The following GAL3ST2 variants were observed in gnomAD, a reference collection of about 807,000 sequenced individuals.
GAL3ST2 encodes beta-galactose-3-O-sulfotransferase 2.
Under a neutral mutation model 12.9 loss-of-function variants are expected in GAL3ST2, and 16 were observed. The observed-to-expected ratio is 1.24, with a 90% CI of 0.84 to 1.88. GAL3ST2 has a LOEUF of 1.88. Among genes scored for constraint, GAL3ST2 ranks in the 40% most tolerant of loss-of-function variants. The pLI is 0.00. For missense variants in GAL3ST2, 639 were observed against 571.8 expected, an observed-to-expected ratio of 1.12 and a Z score of -1.20; for synonymous variants, 302 against 273.9, an observed-to-expected ratio of 1.10 and a Z score of -1.01.
At chr2:241,788,801 A>G (rs975211749) in intron 1 of GAL3ST2, among the ~76,000 whole-genome samples, 1 of 152,182 alleles carries the variant, frequency 6.6e-6, no homozygotes, top group African/African-American at 2.4e-5. Flanking sequence ...AGACCTCTGG[A>G]GAGAGAAACT....
In GAL3ST2 at chr2:241,793,450, GTGTA is replaced by G. The variant is rs1379825985; in HGVS notation, c.30-5612_30-5609del. On this transcript the variant is annotated intron_variant, in intron 1 of 3. Transcript: ENST00000192314. The surrounding 1 kb of genome is among the most constrained non-coding windows in gnomAD (Gnocchi z 4.7). ...TATTGTGTACGTGTATGTATGTACT[GTGTA>G]TGCGTGTGTATGTGTATGCATGTGT... 1.3e-5 allele frequency among the ~76,000 whole-genome samples: 2 copies of G among 149,016 alleles called. No homozygotes were observed. The highest frequency in any genetic ancestry group is 5.1e-5 in the African/African-American group (2 of 38,966).
At chr2:241,782,857 G>A (rs778938168) in intron 1 of GAL3ST2, among the ~76,000 whole-genome samples, 4 of 152,118 alleles carry the variant, frequency 2.6e-5, no homozygotes, top group African/African-American at 9.7e-5. Context: ...AATGTTTAAG[G>A]CTGGGTATGG....
chr2:241,798,905 C>T (rs1030029376), intron 1 of GAL3ST2, among the ~76,000 whole-genome samples, 160 bp from the exon 2 acceptor site: 1 of 152,116 alleles, frequency 6.6e-6, no homozygotes, highest in East Asian at 1.9e-4. Context: ...ACTCCCTAGC[C>T]CATGGGCCGG....
At chr2:241,787,172 T>C (rs1699636503) in intron 1 of GAL3ST2, among the ~76,000 whole-genome samples, 1 of 152,206 alleles carries the variant, frequency 6.6e-6, no homozygotes, top group Non-Finnish European at 1.5e-5. Context: ...TTGCATATGT[T>C]GATTGATGTC....
intron 1 of GAL3ST2, among the ~76,000 whole-genome samples, chr2:241,790,651 T>C (rs1699684166): frequency 6.6e-6 from 1 of 152,204 alleles, no homozygotes; most frequent in Non-Finnish European, 1.5e-5. Flanking sequence ...AATAACAATG[T>C]TTTACCCCAA....
At position 241,802,951 on chromosome 2, in the gene GAL3ST2, C is replaced by G. The variant is rs1034710372; in HGVS notation, c.376-394C>G. ...GCAGCTGGTGGAGTGCTGAAGCCCC[C>G]TGTGCCAGGGGCCCGTGGAGGGCCC... On this transcript the variant is annotated intron_variant, in intron 3 of 3. Transcript: ENST00000192314. The surrounding 1 kb of genome is among the most constrained non-coding windows in gnomAD (Gnocchi z 4.8). Among the ~76,000 whole-genome samples, 1 of 151,798 alleles carries G rather than the reference C, an allele frequency of 6.6e-6. No homozygotes were observed. The highest frequency in any genetic ancestry group is 1.5e-5 in the Non-Finnish European group (1 of 67,900).
In GAL3ST2 at chr2:241,803,612, G is replaced by A; in HGVS notation, c.643G>A (p.Ala215Thr). The change falls in exon 4 of 4, where the codon GCC (alanine) becomes ACC (threonine). Residue 215 changes from alanine to threonine, a missense_variant. Transcript: ENST00000192314. Reference sequence around the variant, plus strand: ...GGAGGGCTACGTGCGCGCGCGCATCGCCGAGGTGGAGCGGCGCTTCCGGCT... The same window carrying A: ...GGAGGGCTACGTGCGCGCGCGCATCACCGAGGTGGAGCGGCGCTTCCGGCT... Reference protein sequence around the residue: ...CEEGYVRARIAEVERRFRLVL... With the variant: ...CEEGYVRARITEVERRFRLVL... 2 of 1,563,094 alleles carry A rather than the reference G, an allele frequency of 1.3e-6. No individual in the cohort carries two copies. The highest frequency in any genetic ancestry group is 2.4e-5 in the East Asian group (1 of 41,994).
chr2:241,777,061 GT>G, intron 1 of GAL3ST2, 77 bp downstream of exon 1: 1 of 1,255,860 alleles, frequency 8.0e-7, no homozygotes, highest in South Asian at 2.1e-5. Flanking sequence ...ACAGGAGTGG[GT>G]TTTGTTTGTC....
rs1324337637 is a variant in GAL3ST2 at position 241,803,904 on chromosome 2, C to T, written c.935C>T (p.Ala312Val). 1 of 1,414,934 alleles carries T rather than the reference C, an allele frequency of 7.1e-7. No homozygotes were observed. The allele number at this position is 1,414,934 out of a possible 1,614,324, so 87.6% of individuals were successfully genotyped here. A position where few individuals can be genotyped will look rare whatever the true frequency, so the allele number is the denominator to read the frequency against. ...RLRGEVERLR[A>V]RRRELASLCL... ...CGCGGGGAGGTGGAGCGGCTGCGCG[C>T]CCGGAGGCGCGAACTCGCGAGCCTG... is the stretch of plus-strand genomic sequence containing the variant. Residue 312 changes from alanine to valine, a missense_variant, in exon 4 of 4, where the codon GCC becomes GTC. Physicochemically the swap from Ala to Val is moderately conservative, Grantham distance 64 (BLOSUM62 0). Coordinates refer to ENST00000192314, the MANE Select transcript of GAL3ST2 (RefSeq NM_022134.3).
intron 1 of GAL3ST2, 107 bp downstream of exon 1, chr2:241,777,091 G>A (rs1365509903): frequency 3.0e-6 from 3 of 1,001,616 alleles, no homozygotes; most frequent in African/African-American, 1.7e-5. Flanking sequence ...GAAGTGACTT[G>A]GATTTGGAGG....
chr2:241,779,648 G>A (rs577528162), intron 1 of GAL3ST2, among the ~76,000 whole-genome samples: 3 of 152,000 alleles, frequency 2.0e-5, no homozygotes, highest in African/African-American at 7.2e-5. Context: ...AATCGATACA[G>A]GCCACACTAC....
intron 1 of GAL3ST2, among the ~76,000 whole-genome samples, chr2:241,786,942 C>G (rs112263307): frequency 6.6e-6 from 1 of 152,178 alleles, no homozygotes; most frequent in African/African-American, 2.4e-5. Context: ...ACCTGCCTCC[C>G]GTTCTCTTCA....
At position 241,795,317 on chromosome 2, in the gene GAL3ST2, C is replaced by T. The variant is rs1320626264; in HGVS notation, c.30-3748C>T. On this transcript the variant is annotated intron_variant, in intron 1 of 3. Transcript: ENST00000192314. This position sits in a 1 kb window ranked among gnomAD's most constrained non-coding sequence, Gnocchi z 4.5. ...GGCTGTAGCATTTCTCTGGAAACGT[C>T]ATTGTTTTAATTGGGCAGTTGCAAA... 1.3e-5 allele frequency among the ~76,000 whole-genome samples: 2 copies of T among 152,192 alleles called. No individual in the cohort carries two copies. Among genetic ancestry groups the T allele is most frequent in the East Asian group, 1.9e-4 (1 of 5,196 alleles).
In GAL3ST2 at chr2:241,803,624, C is replaced by T. The variant is rs374256812; in HGVS notation, c.655C>T (p.Arg219Trp). 1.2e-5 allele frequency: 19 copies of T among 1,555,224 alleles called. No homozygotes were observed. The highest frequency in any genetic ancestry group is 1.6e-5 in the Non-Finnish European group (18 of 1,149,200). The change falls in exon 4 of 4, where the codon CGG (arginine) becomes TGG (tryptophan). Residue 219 changes from arginine to tryptophan, a missense_variant. Arg to Trp is a moderately radical substitution (Grantham distance 101). Transcript: ENST00000192314. Reference sequence around the variant, plus strand: ...GCGCGCGCGCATCGCCGAGGTGGAGCGGCGCTTCCGGCTGGTGCTCATCGC... The same window carrying T: ...GCGCGCGCGCATCGCCGAGGTGGAGTGGCGCTTCCGGCTGGTGCTCATCGC... ...YVRARIAEVE[R>W]RFRLVLIAEH... is the part of the protein sequence containing the mutation.
At chr2:241,780,474 G>A in intron 1 of GAL3ST2, among the ~76,000 whole-genome samples, 1 of 152,196 alleles carries the variant, frequency 6.6e-6, no homozygotes, top group Admixed American at 6.5e-5. Context: ...AGCTGAGATT[G>A]CACCACTGGA....
In GAL3ST2 at chr2:241,800,570, G is replaced by T. The variant is rs571968139; in HGVS notation, c.120-1211G>T. Among the ~76,000 whole-genome samples, 3 of 152,350 alleles carry T rather than the reference G, an allele frequency of 2.0e-5. No homozygotes were observed. The highest frequency in any genetic ancestry group is 4.8e-5 in the African/African-American group (2 of 41,580). On this transcript the variant is annotated intron_variant, in intron 2 of 3. Coordinates refer to ENST00000192314, the MANE Select transcript of GAL3ST2 (RefSeq NM_022134.3). The surrounding 1 kb of genome is among the most constrained non-coding windows in gnomAD (Gnocchi z 5.2). ...TACAATCAGGCCCTGCACGTCAGAA[G>T]GTGGAGCCGGGACGGGAAGCACTCG...
In GAL3ST2 at chr2:241,801,673, C is replaced by A; in HGVS notation, c.120-108C>A. The stretch of plus-strand genomic sequence containing the variant: ...GGCCCCCTGGCCTAGAGTTGGGGGG[C>A]TCAGGTTGGGAGGTCTCTCCTTGCG... On this transcript the variant is annotated intron_variant, in intron 2 of 3. Transcript: ENST00000192314. The surrounding 1 kb of genome is among the most constrained non-coding windows in gnomAD (Gnocchi z 4.4). 1 of 1,429,024 alleles carries A rather than the reference C, an allele frequency of 7.0e-7. No homozygotes were observed. Among genetic ancestry groups the A allele is most frequent in the Non-Finnish European group, 9.3e-7 (1 of 1,072,838 alleles). The allele number at this position is 1,429,024 out of a possible 1,614,324, so 88.5% of individuals were successfully genotyped here. A position where few individuals can be genotyped will look rare whatever the true frequency, so the allele number is the denominator to read the frequency against.
Position 241,793,794 on chromosome 2 carries a change from TTGTG to T in GAL3ST2, c.30-5265_30-5262del, listed in dbSNP as rs926751191. On this transcript the variant is annotated intron_variant, in intron 1 of 3. Coordinates refer to ENST00000192314, the MANE Select transcript of GAL3ST2 (RefSeq NM_022134.3). The surrounding 1 kb of genome is among the most constrained non-coding windows in gnomAD (Gnocchi z 4.7). ...TGTGTATTATTTGTGTGTGTGTGTA[TTGTG>T]TGTGTATGTTTGTGTGTGTGTTTAA... is the stretch of plus-strand genomic sequence containing the variant. Among the ~76,000 whole-genome samples, 63 of 151,740 alleles carry T rather than the reference TTGTG, an allele frequency of 4.2e-4. No homozygotes were observed. The highest frequency in any genetic ancestry group is 1.4e-3 in the African/African-American group (57 of 41,348).
intron 1 of GAL3ST2, among the ~76,000 whole-genome samples, chr2:241,784,873 C>G (rs1263554425): frequency 6.6e-6 from 1 of 152,138 alleles, no homozygotes; most frequent in African/African-American, 2.4e-5. Flanking sequence ...AATCAAATAG[C>G]AAAATTTACA....
Sources: allele counts gnomAD v4.1 joint callset (sites outside exome capture counted in the v4.1 genomes callset), GRCh38; gene constraint gnomAD v4.1.1; non-coding constraint Gnocchi (gnomAD v3.1); transcripts MANE v1.5; gene names NCBI Gene and HGNC (gene_info 2026-07-23, HGNC 2026-07-21).